KCND2: variants seen among roughly 807,000 people sequenced by gnomAD.
KCND2 encodes A-type voltage-gated potassium channel KCND2.
KCND2 carries 16 observed loss-of-function variants against 54.4 expected under a neutral mutation model. The observed-to-expected ratio is 0.29, with a 90% CI of 0.20 to 0.45. The LOEUF is 0.45. Among genes scored for constraint, KCND2 ranks in the 20% least tolerant of loss-of-function variants. KCND2 has a pLI of 1.00. For synonymous variants in KCND2, 317 were observed against 310.7 expected (o/e 1.02, Z -0.21); for missense variants, 486 against 824.2 (o/e 0.59, Z 5.02).
At chr7:120,463,580 A>G (rs1482002688) in intron 1 of KCND2, among the ~76,000 whole-genome samples, 1 of 152,024 alleles carries the variant, frequency 6.6e-6, no homozygotes, top group Non-Finnish European at 1.5e-5. Flanking sequence ...GTGAAAACAA[A>G]ATTATTCAGC....
intron 1 of KCND2, among the ~76,000 whole-genome samples, chr7:120,539,857 A>G (rs192611000): frequency 6.6e-6 from 1 of 152,264 alleles, no homozygotes; most frequent in African/African-American, 2.4e-5. Flanking sequence ...TACTCATCCA[A>G]CATATCTGCT....
At chr7:120,588,402 A>AGAGTGTGTGTGT (rs146880503) in intron 1 of KCND2, among the ~76,000 whole-genome samples, 2 of 141,314 alleles carry the variant, frequency 1.4e-5, no homozygotes, top group Non-Finnish European at 3.1e-5. Context: ...GCAACTGTGC[A>AGAGTGTGTGTGT]GTGTGTGTGT....
Position 120,551,274 on chromosome 7 carries a change from C to T in KCND2, c.1116-181629C>T, listed in dbSNP as rs562853365. Among the ~76,000 whole-genome samples the T allele has an allele frequency of 3.3e-5, 5 of 152,300 alleles. No individual in the cohort carries two copies. The East Asian group carries it at 9.6e-4, about 29-fold the overall frequency. On this transcript the variant is annotated intron_variant, in intron 1 of 5. Transcript: ENST00000331113. ...AGTGCTATACAATTATAAGCCATTT[C>T]TTTCTATTAAAAGTAGTTTCCTAAG...
At chr7:120,591,925 G>T (rs1792677107) in intron 1 of KCND2, among the ~76,000 whole-genome samples, 1 of 152,188 alleles carries the variant, frequency 6.6e-6, no homozygotes, top group African/African-American at 2.4e-5. Flanking sequence ...TGTACACTAT[G>T]TGCAAATGGT....
At chr7:120,356,174 A>G (rs1800501428) in intron 1 of KCND2, among the ~76,000 whole-genome samples, 1 of 152,140 alleles carries the variant, frequency 6.6e-6, no homozygotes, top group South Asian at 2.1e-4. Context: ...CTAATTTTTT[A>G]TGCCAACCCC....
intron 1 of KCND2, among the ~76,000 whole-genome samples, chr7:120,459,675 A>T (rs1584787939): frequency 6.6e-6 from 1 of 152,366 alleles, no homozygotes; most frequent in African/African-American, 2.4e-5. Flanking sequence ...AAATGATTGA[A>T]TAATAAGCGT....
intron 1 of KCND2, among the ~76,000 whole-genome samples, chr7:120,336,403 C>G (rs1276593668): frequency 6.6e-6 from 1 of 152,124 alleles, no homozygotes; most frequent in Non-Finnish European, 1.5e-5. Context: ...TTCCAAGTCT[C>G]TTGACACGGT....
At chr7:120,453,770 T>G (rs1240229543) in intron 1 of KCND2, among the ~76,000 whole-genome samples, 1 of 152,176 alleles carries the variant, frequency 6.6e-6, no homozygotes, top group Non-Finnish European at 1.5e-5. Context: ...GGGAACTTTA[T>G]ACCTCTAAAC....
intron 1 of KCND2, among the ~76,000 whole-genome samples, chr7:120,444,107 T>G (rs948031390): frequency 6.6e-6 from 1 of 152,124 alleles, no homozygotes; most frequent in Admixed American, 6.6e-5. Flanking sequence ...AAGAGATTTC[T>G]TCTTCCTGAA....
At chr7:120,610,528 A>G (rs891480674) in intron 1 of KCND2, among the ~76,000 whole-genome samples, 5 of 152,120 alleles carry the variant, frequency 3.3e-5, no homozygotes, top group African/African-American at 1.2e-4. Flanking sequence ...TAAAATGCAG[A>G]TTCTGATTCC....
At chr7:120,438,250 G>A (rs150538844) in intron 1 of KCND2, among the ~76,000 whole-genome samples, 57 of 152,240 alleles carry the variant, frequency 3.7e-4, no homozygotes, top group African/African-American at 1.3e-3. Context: ...GATAGTATTA[G>A]TAATTGAGAA....
chr7:120,406,750 G>T (rs1801366475), intron 1 of KCND2, among the ~76,000 whole-genome samples: 1 of 151,960 alleles, frequency 6.6e-6, no homozygotes. Context: ...GGATTAAGAA[G>T]TGTGAGAAAT....
chr7:120,682,736 G>A (rs1792155043), intron 1 of KCND2, among the ~76,000 whole-genome samples: 2 of 152,116 alleles, frequency 1.3e-5, no homozygotes, highest in Non-Finnish European at 2.9e-5. Context: ...TTAGCTATAT[G>A]TAACACAATA....
intron 1 of KCND2, among the ~76,000 whole-genome samples, chr7:120,624,811 A>G (rs915376298): frequency 1.3e-5 from 2 of 152,018 alleles, no homozygotes; most frequent in Non-Finnish European, 2.9e-5. Context: ...TGGGAGGGAT[A>G]AAAAATAAGT....
Position 120,599,361 on chromosome 7 carries a change from CA to C in KCND2, c.1116-133533del, listed in dbSNP as rs201045276. Among the ~76,000 whole-genome samples, 743 of 150,916 alleles carry C rather than the reference CA, an allele frequency of 4.9e-3. 4 individuals carry two copies. Among genetic ancestry groups the C allele is most frequent in the Non-Finnish European group, 6.2e-3 (420 of 67,602 alleles). On this transcript the variant is annotated intron_variant, in intron 1 of 5. Coordinates refer to ENST00000331113, the MANE Select transcript of KCND2 (RefSeq NM_012281.3). ...ATTTTTGGAATAAAATTATTTGTCT[CA>C]AAAAAAAATCTGCTGAAATCTTTTC... is the stretch of plus-strand genomic sequence containing the variant.
At chr7:120,506,214 T>C (rs984465206) in intron 1 of KCND2, among the ~76,000 whole-genome samples, 1 of 151,684 alleles carries the variant, frequency 6.6e-6, no homozygotes, top group Non-Finnish European at 1.5e-5. Flanking sequence ...CTTCATGTAA[T>C]AAATATTGAG....
At chr7:120,464,495 TG>T (rs985710932) in intron 1 of KCND2, among the ~76,000 whole-genome samples, 4 of 152,146 alleles carry the variant, frequency 2.6e-5, no homozygotes, top group African/African-American at 9.7e-5. Flanking sequence ...ATTTCTTTAT[TG>T]ATGCCTAACA....
At chr7:120,493,736 T>G (rs563864531) in intron 1 of KCND2, among the ~76,000 whole-genome samples, 32 of 152,220 alleles carry the variant, frequency 2.1e-4, no homozygotes, top group African/African-American at 7.7e-4. Flanking sequence ...GCTGAAGATG[T>G]GAAATGATGC....
chr7:120,660,688 A>G (rs1791855396), intron 1 of KCND2, among the ~76,000 whole-genome samples: 1 of 152,218 alleles, frequency 6.6e-6, no homozygotes, highest in African/African-American at 2.4e-5. Context: ...GTCATTAAAG[A>G]TTTTTAGGAA....
Sources: allele counts gnomAD v4.1 joint callset (sites outside exome capture counted in the v4.1 genomes callset), GRCh38; gene constraint gnomAD v4.1.1; transcripts MANE v1.5; gene names NCBI Gene and HGNC (gene_info 2026-07-23, HGNC 2026-07-21).